Variants in UNC13A observed in about 807,000 individuals in gnomAD.
The protein encoded by UNC13A is protein unc-13 homolog A.
UNC13A carries 61 observed loss-of-function variants against 219.7 expected under a neutral mutation model. The ratio of observed to expected loss-of-function variants is 0.28; its 90% CI spans 0.23 to 0.34. UNC13A has a LOEUF of 0.34. Among genes scored for constraint, UNC13A ranks in the 10% least tolerant of loss-of-function variants. The pLI, the probability that UNC13A is intolerant of heterozygous loss-of-function variation, is 1.00. For synonymous variants in UNC13A, 920 were observed against 884.6 expected (o/e 1.04, Z -0.71); for missense variants, 1,476 against 2,270.3 (o/e 0.65, Z 7.11).
intron 35 of UNC13A, among the ~76,000 whole-genome samples, chr19:17,623,951 G>T (rs2076756402): frequency 1.3e-5 from 2 of 152,012 alleles, no homozygotes; most frequent in South Asian, 4.2e-4. Flanking sequence ...GATGGCCAAT[G>T]ATCTCTGCTT....
At chr19:17,608,274 A>G (rs1007265569) in intron 43 of UNC13A, among the ~76,000 whole-genome samples, 1 of 140,396 alleles carries the variant, frequency 7.1e-6, no homozygotes, top group African/African-American at 2.6e-5. Context: ...TAATATATAT[A>G]CTTTTATATA....
Position 17,636,019 on chromosome 19 carries a change from C to G in UNC13A, c.3215+5G>C, listed in dbSNP as rs1397955432. 1.2e-6 allele frequency: 2 copies of G among 1,609,186 alleles called. No homozygotes were observed. The highest frequency in any genetic ancestry group is 1.7e-6 in the Non-Finnish European group (2 of 1,176,320). On this transcript the variant is annotated splice_donor_5th_base_variant and intron_variant, in intron 26 of 43. Coordinates refer to ENST00000519716, the MANE Select transcript of UNC13A (RefSeq NM_001080421.3). Reference sequence around the variant, plus strand: ...GATAATTAACTACACAGATACACAACTCACTGGTTGAGGCAGGGAGTGTAG... The same window carrying G: ...GATAATTAACTACACAGATACACAAGTCACTGGTTGAGGCAGGGAGTGTAG...
At chr19:17,626,535 C>G in intron 34 of UNC13A, 98 bp downstream of exon 34, 1 of 1,344,090 alleles carries the variant, frequency 7.4e-7, no homozygotes, top group Non-Finnish European at 9.8e-7. Context: ...GACCACCCAG[C>G]AAACATTCCC....
At chr19:17,610,178 G>A (rs2076587004) in intron 42 of UNC13A, 79 bp from the exon 43 acceptor site, 1 of 1,590,834 alleles carries the variant, frequency 6.3e-7, no homozygotes, top group South Asian at 1.1e-5. Context: ...CTCAAAACCT[G>A]CCCAAGGCTG....
In UNC13A at chr19:17,655,175, G is replaced by T. The variant is rs192466127; in HGVS notation, c.1392+99C>A. ...TGGGTACGGGTGGGGTGTTGGGCGT[G>T]GCCAATATAGGTGTGGGTGTGGCCA... On this transcript the variant is annotated intron_variant, in intron 11 of 43. Transcript: ENST00000519716. 811 of 963,584 alleles carry T rather than the reference G, an allele frequency of 8.4e-4. 12 individuals carry two copies. In the Admixed American group the frequency reaches 0.014, roughly 17 times the overall value. The allele number at this position is 963,584 out of a possible 1,614,324, so 59.7% of individuals were successfully genotyped here.
Position 17,675,883 on chromosome 19 carries a change from C to T in UNC13A, c.52+129G>A, listed in dbSNP as rs991215617. On this transcript the variant is annotated intron_variant, in intron 2 of 43. Coordinates refer to ENST00000519716, the MANE Select transcript of UNC13A (RefSeq NM_001080421.3). ...CCCCTCCCCCTATTTAATCTTCTGA[C>T]CCCTCTCCTGATGCTCAGAAGACAT... The T allele has an allele frequency of 4.1e-6, 5 of 1,234,488 alleles. No individual in the cohort carries two copies. In the East Asian group the frequency reaches 7.7e-5, roughly 19 times the overall value. The allele number at this position is 1,234,488 out of a possible 1,614,324, so 76.5% of individuals were successfully genotyped here. A position where few individuals can be genotyped will look rare whatever the true frequency, so the allele number is the denominator to read the frequency against.
In UNC13A at chr19:17,668,977, A is replaced by G. The variant is rs144169995; in HGVS notation, c.394+576T>C. On this transcript the variant is annotated intron_variant, in intron 5 of 43. Coordinates refer to ENST00000519716, the MANE Select transcript of UNC13A (RefSeq NM_001080421.3). ...TGCCTGGTGAATTTTTAACTTTTTC[A>G]TAGAGATGGGATCTCACTAGATGGC... Among the ~76,000 whole-genome samples, 1,213 of 151,918 alleles carry G rather than the reference A, an allele frequency of 8.0e-3. 24 individuals carry two copies. Among genetic ancestry groups the G allele is most frequent in the African/African-American group, 0.028 (1,168 of 41,386 alleles).
chr19:17,684,856 G>A (rs1031597217), intron 1 of UNC13A, among the ~76,000 whole-genome samples: 7 of 152,246 alleles, frequency 4.6e-5, no homozygotes, highest in African/African-American at 1.7e-4. Context: ...CACTACATCA[G>A]AGACACACTG....
chr19:17,613,352 T>G (rs1445773066), intron 41 of UNC13A, among the ~76,000 whole-genome samples: 1 of 151,894 alleles, frequency 6.6e-6, no homozygotes, highest in Non-Finnish European at 1.5e-5. Flanking sequence ...GAGGCTGCAG[T>G]GAGCTATGAT....
chr19:17,632,799 G>A lies in UNC13A; in HGVS notation c.3411C>T (p.Arg1137=), dbSNP rs371883127. 444 of 1,613,894 alleles carry A rather than the reference G, an allele frequency of 2.8e-4. No homozygotes were observed. In the African/African-American group the frequency reaches 5.1e-3, roughly 19 times the overall value. The stretch of plus-strand genomic sequence containing the variant: ...GGACTTACGCAGGGTACTCAGGCAC[G>A]CGGTCCTTGAAGGCGGGAAGTTCCG... ...YVTELPAFKD[R]VPEYPAWFEP... is the part of the protein sequence containing the mutation. The change falls in exon 28 of 44, where the codon CGC becomes CGT. Residue 1137 remains arginine, a synonymous_variant. Transcript: ENST00000519716.
chr19:17,630,845 C>T, intron 28 of UNC13A, 95 bp from the exon 29 acceptor site: 1 of 1,096,356 alleles, frequency 9.1e-7, no homozygotes, highest in South Asian at 1.4e-5. Context: ...GGAGCTATGG[C>T]TGCTCCTGCT....
Position 17,669,679 on chromosome 19 carries a change from G to A in UNC13A, c.271-3C>T. On this transcript the variant is annotated splice_polypyrimidine_tract_variant and splice_region_variant and intron_variant, in intron 4 of 43. Transcript: ENST00000519716. The stretch of plus-strand genomic sequence containing the variant: ...GTCAGCCACTCTCCAGGGCCCTCCT[G>A]GGGGTTGGGGGAGGAGGTGTGTGGG... 6.2e-7 allele frequency: 1 copy of A among 1,605,468 alleles called. No homozygotes were observed. The highest frequency in any genetic ancestry group is 8.5e-7 in the Non-Finnish European group (1 of 1,176,204).
At chr19:17,607,796 ACT>A (rs1211047175) in intron 43 of UNC13A, among the ~76,000 whole-genome samples, 1 of 147,602 alleles carries the variant, frequency 6.8e-6, no homozygotes, top group Admixed American at 6.8e-5. Flanking sequence ...TGAGGCTGAC[ACT>A]CGACCCAAGG....
chr19:17,663,088 C>T (rs1346004181), intron 8 of UNC13A, among the ~76,000 whole-genome samples: 1 of 151,864 alleles, frequency 6.6e-6, no homozygotes, highest in East Asian at 1.9e-4. Flanking sequence ...CCTGGCCTGC[C>T]GTTCTGTTAG....
At chr19:17,631,950 G>T (rs2076860394) in intron 28 of UNC13A, among the ~76,000 whole-genome samples, 1 of 152,040 alleles carries the variant, frequency 6.6e-6, no homozygotes, top group Non-Finnish European at 1.5e-5. Flanking sequence ...TCACTTTGTT[G>T]CCCCAGCTGG....
chr19:17,668,252 C>G, intron 5 of UNC13A, 62 bp from the exon 6 acceptor site: 1 of 1,536,170 alleles, frequency 6.5e-7, no homozygotes, highest in Non-Finnish European at 8.9e-7. Flanking sequence ...CCTCCATCCT[C>G]CAGGCCTACT....
intron 19 of UNC13A, among the ~76,000 whole-genome samples, chr19:17,645,369 CT>C (rs1381742412): frequency 7.2e-5 from 11 of 152,078 alleles, no homozygotes; most frequent in Admixed American, 2.6e-4. Context: ...GTCTCTGTCT[CT>C]CCCCTCAGAC....
chr19:17,685,257 C>A (rs1369450293), intron 1 of UNC13A, among the ~76,000 whole-genome samples: 1 of 152,050 alleles, frequency 6.6e-6, no homozygotes, highest in Non-Finnish European at 1.5e-5. Flanking sequence ...GTGGCAGGAT[C>A]TCAGCTCACT....
intron 1 of UNC13A, among the ~76,000 whole-genome samples, chr19:17,685,735 A>G (rs1347315174): frequency 6.6e-6 from 1 of 152,164 alleles, no homozygotes; most frequent in Non-Finnish European, 1.5e-5. Context: ...TAGAGCCTTC[A>G]TACATCCTAA....
Sources: allele counts gnomAD v4.1 joint callset (sites outside exome capture counted in the v4.1 genomes callset), GRCh38; gene constraint gnomAD v4.1.1; transcripts MANE v1.5; gene names NCBI Gene and HGNC (gene_info 2026-07-23, HGNC 2026-07-21).